Variants in RAD51B observed in about 807,000 individuals in gnomAD.
RAD51B encodes the protein RAD51 paralog B.
A neutral mutation model predicts 42.2 loss-of-function variants in RAD51B; 38 were observed. The ratio of observed to expected loss-of-function variants is 0.90; its 90% CI spans 0.70 to 1.18. The LOEUF (loss-of-function observed/expected upper bound fraction) is 1.18. Ranked by LOEUF, RAD51B falls within the 50% of genes most tolerant of loss-of-function variation. The probability of loss-of-function intolerance (pLI) is 0.00; values close to 1 mark genes in which losing one functional copy is unlikely to be tolerated. For missense variants in RAD51B, 373 were observed against 400.7 expected (o/e 0.93, Z 0.59); for synonymous variants, 154 against 145.2 (o/e 1.06, Z -0.43).
At chr14:68,278,181 T>C (rs1310240457) in intron 7 of RAD51B, among the ~76,000 whole-genome samples, 1 of 152,238 alleles carries the variant, frequency 6.6e-6, no homozygotes, top group Non-Finnish European at 1.5e-5. Context: ...GAGAAAAAAA[T>C]GTACAAGGTA....
At chr14:68,666,777 C>A (rs1474770022) in intron 11 of RAD51B, among the ~76,000 whole-genome samples, 2 of 152,182 alleles carry the variant, frequency 1.3e-5, no homozygotes, top group Non-Finnish European at 2.9e-5. Flanking sequence ...ATTTACTCAT[C>A]ATGAAATTAC....
intron 11 of RAD51B, among the ~76,000 whole-genome samples, chr14:68,678,986 C>T (rs912668185): frequency 6.6e-6 from 1 of 152,080 alleles, no homozygotes; most frequent in Non-Finnish European, 1.5e-5. Flanking sequence ...CCTTCTCCCT[C>T]CTCCCTGCCC....
rs189966836 is a variant in RAD51B, at chr14:68,227,928, T to G, written c.757-63956T>G. Among the ~76,000 whole-genome samples, 223 of 152,312 alleles carry G rather than the reference T, an allele frequency of 1.5e-3. 1 individual carries two copies. Among genetic ancestry groups the G allele is most frequent in the Middle Eastern group, 0.01 (3 of 294 alleles). ...CATATTATTATGCCATTAATTATTATTAGTAGTAATAATAATGATAGTCAT... is the reference window on the plus strand; with the variant it reads ...CATATTATTATGCCATTAATTATTAGTAGTAGTAATAATAATGATAGTCAT... On this transcript the variant is annotated intron_variant, in intron 7 of 10. Coordinates refer to ENST00000471583, the MANE Select transcript of RAD51B (RefSeq NM_133510.4).
At chr14:67,865,355 G>A (rs2139992171) in intron 5 of RAD51B, among the ~76,000 whole-genome samples, 1 of 150,786 alleles carries the variant, frequency 6.6e-6, no homozygotes, top group South Asian at 2.1e-4. Flanking sequence ...TCCTGCCTCA[G>A]CCTCCCGAGT....
chr14:68,332,911 G>A (rs2139808236), intron 8 of RAD51B, among the ~76,000 whole-genome samples: 1 of 152,310 alleles, frequency 6.6e-6, no homozygotes, highest in South Asian at 2.1e-4. Flanking sequence ...GATTCCATCA[G>A]TGATGCTGAA....
chr14:68,282,532 G>A (rs2081339326), intron 7 of RAD51B, among the ~76,000 whole-genome samples: 1 of 152,160 alleles, frequency 6.6e-6, no homozygotes, highest in Non-Finnish European at 1.5e-5. Context: ...TTTAAGTACA[G>A]ACACAGACAG....
chr14:68,283,245 C>T (rs1468362133), intron 7 of RAD51B, among the ~76,000 whole-genome samples: 11 of 152,138 alleles, frequency 7.2e-5, no homozygotes, highest in Admixed American at 3.3e-4. Context: ...AGCAGAAACT[C>T]GGGGAGCTGC....
chr14:68,441,912 ACT>A (rs923114024), intron 9 of RAD51B, among the ~76,000 whole-genome samples: 2 of 152,170 alleles, frequency 1.3e-5, no homozygotes, highest in African/African-American at 4.8e-5. Context: ...TAACCCTAAC[ACT>A]CTGCTCAGTT....
At chr14:67,896,959 ATC>A (rs912503397) in intron 7 of RAD51B, among the ~76,000 whole-genome samples, 4 of 152,222 alleles carry the variant, frequency 2.6e-5, no homozygotes, top group African/African-American at 4.8e-5. Context: ...TGGTCAATTG[ATC>A]TTTGACACAG....
At chr14:68,506,391 T>C (rs1885323262) in intron 10 of RAD51B, among the ~76,000 whole-genome samples, 1 of 152,140 alleles carries the variant, frequency 6.6e-6, no homozygotes, top group Non-Finnish European at 1.5e-5. Flanking sequence ...TCGGGGTAAA[T>C]GCTACAAAAC....
intron 7 of RAD51B, among the ~76,000 whole-genome samples, chr14:68,091,049 G>A (rs1306887381): frequency 5.3e-5 from 8 of 151,932 alleles, no homozygotes; most frequent in Non-Finnish European, 8.8e-5. Context: ...TTTTATGGCT[G>A]CATAGTATTC....
At chr14:68,158,908 T>C (rs1051792234) in intron 7 of RAD51B, among the ~76,000 whole-genome samples, 1 of 152,246 alleles carries the variant, frequency 6.6e-6, no homozygotes, top group Non-Finnish European at 1.5e-5. Context: ...GAAAGACTTA[T>C]TTAAACAAAA....
chr14:68,586,997 C>G (rs1243835121), intron 10 of RAD51B, among the ~76,000 whole-genome samples: 1 of 151,834 alleles, frequency 6.6e-6, no homozygotes. Flanking sequence ...CCATTGTACT[C>G]CAGCCAACAA....
intron 10 of RAD51B, chr14:68,470,863 G>A (rs2086106647): frequency 2.8e-6 from 1 of 351,234 alleles, no homozygotes; most frequent in Admixed American, 4.3e-5. Flanking sequence ...CCTCCTAGGA[G>A]AGGATGTACT....
intron 7 of RAD51B, among the ~76,000 whole-genome samples, chr14:67,915,282 A>AGGG (rs754418477): frequency 3.9e-5 from 6 of 152,160 alleles, no homozygotes; most frequent in Non-Finnish European, 8.8e-5. Context: ...TATCAGAAGA[A>AGGG]GGGGGGGATT....
chr14:67,996,525 G>C (rs2075387613), intron 7 of RAD51B, among the ~76,000 whole-genome samples: 1 of 152,082 alleles, frequency 6.6e-6, no homozygotes, highest in African/African-American at 2.4e-5. Flanking sequence ...TGGAAAAAAG[G>C]CTTGCCAGAT....
chr14:68,653,083 C>T (rs1892734978), intron 11 of RAD51B, among the ~76,000 whole-genome samples: 1 of 152,260 alleles, frequency 6.6e-6, no homozygotes, highest in African/African-American at 2.4e-5. Flanking sequence ...TGTTCACTCA[C>T]TATTAGTCAA....
At chr14:68,355,494 T>C (rs1020672173) in intron 8 of RAD51B, among the ~76,000 whole-genome samples, 1 of 151,798 alleles carries the variant, frequency 6.6e-6, no homozygotes, top group African/African-American at 2.4e-5. Context: ...ATTAATAAAC[T>C]CTTTCTAATA....
chr14:68,365,313 C>T (rs2083119573), intron 8 of RAD51B, among the ~76,000 whole-genome samples: 1 of 152,272 alleles, frequency 6.6e-6, no homozygotes, highest in Non-Finnish European at 1.5e-5. Flanking sequence ...TCTCTACCCA[C>T]ACCCTGGTAA....
Sources: allele counts gnomAD v4.1 joint callset (sites outside exome capture counted in the v4.1 genomes callset), GRCh38; gene constraint gnomAD v4.1.1; transcripts MANE v1.5; gene names NCBI Gene and HGNC (gene_info 2026-07-23, HGNC 2026-07-21).